Variants in GRID2 observed in about 807,000 individuals in gnomAD.
GRID2 encodes the protein glutamate receptor ionotropic, delta-2.
GRID2 carries 33 observed loss-of-function variants against 114.8 expected under a neutral mutation model. The observed-to-expected ratio is 0.29, with a 90% CI of 0.22 to 0.38. The LOEUF (loss-of-function observed/expected upper bound fraction) is 0.38. Ranked by LOEUF, GRID2 falls within the 10% of genes least tolerant of loss-of-function variation. The probability of loss-of-function intolerance (pLI) is 1.00; values close to 1 mark genes in which losing one functional copy is unlikely to be tolerated. For synonymous variants in GRID2, 505 were observed against 449.9 expected (o/e 1.12, Z -1.55); for missense variants, 1,184 against 1,257.7 (o/e 0.94, Z 0.89).
At chr4:92,505,768 A>T in intron 1 of GRID2, among the ~76,000 whole-genome samples, 1 of 152,154 alleles carries the variant, frequency 6.6e-6, no homozygotes, top group Middle Eastern at 3.4e-3. Flanking sequence ...TTTGTTGAAT[A>T]TATCTTTTAG....
rs552723429 is a variant in GRID2, at chr4:93,137,215, T to G, written c.735+26262T>G. On this transcript the variant is annotated intron_variant, in intron 4 of 15. Transcript: ENST00000282020. ...ATCAATATTTTGCAGTTTGCTCATC[T>G]TAAGCAGATGGTTATAGCAAAACCT... Among the ~76,000 whole-genome samples the G allele has an allele frequency of 1.2e-4, 19 of 152,344 alleles. No homozygotes were observed. The East Asian group carries it at 3.7e-3, about 29-fold the overall frequency.
chr4:92,888,900 C>T (rs1746556438), intron 2 of GRID2, among the ~76,000 whole-genome samples: 1 of 151,720 alleles, frequency 6.6e-6, no homozygotes, highest in African/African-American at 2.4e-5. Context: ...ATGTTTCATG[C>T]TACATATTAT....
chr4:92,678,210 T>C (rs1273729989), intron 2 of GRID2, among the ~76,000 whole-genome samples: 1 of 152,160 alleles, frequency 6.6e-6, no homozygotes, highest in East Asian at 1.9e-4. Flanking sequence ...TCTATCAGCC[T>C]TCTCTGCTGT....
At chr4:93,512,525 G>A (rs1410891943) in intron 12 of GRID2, among the ~76,000 whole-genome samples, 4 of 152,006 alleles carry the variant, frequency 2.6e-5, no homozygotes, top group South Asian at 2.1e-4. Flanking sequence ...TGCTATCTTA[G>A]TGTGCTATGA....
intron 14 of GRID2, among the ~76,000 whole-genome samples, chr4:93,630,054 C>T (rs1743102056): frequency 6.6e-6 from 1 of 152,256 alleles, no homozygotes; most frequent in African/African-American, 2.4e-5. Flanking sequence ...TGTGAGCGAA[C>T]ACACATTGGA....
chr4:92,905,171 G>A (rs1025014178), intron 2 of GRID2, among the ~76,000 whole-genome samples: 3 of 151,758 alleles, frequency 2.0e-5, no homozygotes, highest in African/African-American at 4.8e-5. Flanking sequence ...TGGTACTGAC[G>A]ATCATATATT....
At chr4:93,017,759 C>CACTCCAGCCAGG (rs534817441) in intron 2 of GRID2, among the ~76,000 whole-genome samples, 3 of 148,224 alleles carry the variant, frequency 2.0e-5, no homozygotes, top group East Asian at 4.0e-4. Flanking sequence ...TGCACCACTG[C>CACTCCAGCCAGG]ACTCCAGCCA....
chr4:92,844,667 C>T (rs1257200003), intron 2 of GRID2, among the ~76,000 whole-genome samples: 8 of 148,302 alleles, frequency 5.4e-5, no homozygotes, highest in Admixed American at 2.0e-4. Context: ...GATTGTGCCA[C>T]TGCACTCCAG....
intron 13 of GRID2, among the ~76,000 whole-genome samples, chr4:93,613,403 T>C (rs1359173063): frequency 7.9e-6 from 1 of 126,180 alleles, no homozygotes; most frequent in Non-Finnish European, 1.7e-5. Context: ...TTTTAGAGTT[T>C]CCAGTTTTTC....
At position 92,672,324 on chromosome 4, in the gene GRID2, C is replaced by T. The variant is rs557217938; in HGVS notation, c.244+82038C>T. On this transcript the variant is annotated intron_variant, in intron 2 of 15. Transcript: ENST00000282020. ...ACAAATATTTAACATGTGTCTCTGACAGTCATGAACTTTAAATTTTCAGCT... is the reference window on the plus strand; with the variant it reads ...ACAAATATTTAACATGTGTCTCTGATAGTCATGAACTTTAAATTTTCAGCT... Among the ~76,000 whole-genome samples the T allele has an allele frequency of 1.6e-3, 248 of 152,228 alleles. 1 individual carries two copies. The highest frequency in any genetic ancestry group is 5.9e-3 in the African/African-American group (244 of 41,556).
chr4:92,882,437 A>T (rs540463317), intron 2 of GRID2, among the ~76,000 whole-genome samples: 1 of 152,346 alleles, frequency 6.6e-6, no homozygotes, highest in South Asian at 2.1e-4. Context: ...AAATAATTTT[A>T]GTAAAATATT....
intron 15 of GRID2, among the ~76,000 whole-genome samples, chr4:93,771,070 A>G (rs1266059035): frequency 6.6e-6 from 1 of 152,184 alleles, no homozygotes; most frequent in African/African-American, 2.4e-5. Context: ...ATCCTATGAA[A>G]AAATATTTTC....
At chr4:93,074,797 A>G (rs1729113964) in intron 2 of GRID2, among the ~76,000 whole-genome samples, 1 of 152,176 alleles carries the variant, frequency 6.6e-6, no homozygotes, top group Non-Finnish European at 1.5e-5. Flanking sequence ...AGTATCGTAT[A>G]AAGAGAGCTG....
intron 14 of GRID2, among the ~76,000 whole-genome samples, chr4:93,737,280 C>G (rs1484829981): frequency 6.6e-6 from 1 of 151,946 alleles, no homozygotes; most frequent in Non-Finnish European, 1.5e-5. Flanking sequence ...TTTAAGATAT[C>G]AAAGATTTCG....
intron 2 of GRID2, among the ~76,000 whole-genome samples, chr4:92,658,436 A>G (rs1732351780): frequency 6.6e-6 from 1 of 151,828 alleles, no homozygotes; most frequent in Non-Finnish European, 1.5e-5. Flanking sequence ...AGGATTGCAC[A>G]GGGAATTAGA....
chr4:92,530,713 A>G (rs1333592061), intron 1 of GRID2, among the ~76,000 whole-genome samples: 3 of 148,314 alleles, frequency 2.0e-5, no homozygotes, highest in African/African-American at 7.5e-5. Flanking sequence ...CAGACTGACC[A>G]ACATAGTGAA....
At chr4:93,143,793 C>G (rs1735964754) in intron 4 of GRID2, among the ~76,000 whole-genome samples, 1 of 152,140 alleles carries the variant, frequency 6.6e-6, no homozygotes, top group Non-Finnish European at 1.5e-5. Context: ...ATTCTAACAT[C>G]TAAACACAAC....
At chr4:93,595,570 A>G (rs1738996865) in intron 13 of GRID2, among the ~76,000 whole-genome samples, 1 of 152,224 alleles carries the variant, frequency 6.6e-6, no homozygotes, top group Admixed American at 6.5e-5. Flanking sequence ...GGGATGCAGT[A>G]AGAACTCAGT....
At chr4:93,145,419 A>G (rs1207839088) in intron 4 of GRID2, among the ~76,000 whole-genome samples, 1 of 151,080 alleles carries the variant, frequency 6.6e-6, no homozygotes, top group African/African-American at 2.4e-5. Flanking sequence ...ATTTGTTTTC[A>G]TTTTAATTAT....
Sources: allele counts gnomAD v4.1 joint callset (sites outside exome capture counted in the v4.1 genomes callset), GRCh38; gene constraint gnomAD v4.1.1; transcripts MANE v1.5; gene names NCBI Gene and HGNC (gene_info 2026-07-23, HGNC 2026-07-21).